Variants in DTWD2 observed in about 807,000 individuals in gnomAD.
DTWD2 encodes tRNA-uridine aminocarboxypropyltransferase 2.
DTWD2 carries 39 observed loss-of-function variants against 31.8 expected under a neutral mutation model. The ratio of observed to expected loss-of-function variants is 1.22; its 90% CI spans 0.95 to 1.60. The LOEUF (loss-of-function observed/expected upper bound fraction) is 1.60, where lower values mean the gene tolerates loss of function less well. DTWD2 is among the 40% of genes most tolerant of loss of function. The pLI, the probability that DTWD2 is intolerant of heterozygous loss-of-function variation, is 0.00. For missense variants in DTWD2, 515 were observed against 381.5 expected, an observed-to-expected ratio of 1.35 and a Z score of -2.92; for synonymous variants, 180 against 142.8, an observed-to-expected ratio of 1.26 and a Z score of -1.86.
At chr5:118,953,815 T>C (rs541538160) in intron 1 of DTWD2, among the ~76,000 whole-genome samples, 195 of 152,228 alleles carry the variant, frequency 1.3e-3, no homozygotes, top group African/African-American at 4.4e-3. Context: ...AAATGCAAAT[T>C]TGTGGCTCCT....
chr5:118,841,136 T>A lies in DTWD2; in HGVS notation c.727-49A>T, dbSNP rs778021491. 7.1e-6 allele frequency: 11 copies of A among 1,549,602 alleles called. No homozygotes were observed. In the South Asian group the frequency reaches 1.2e-4, roughly 17 times the overall value. ...AAAAAGTATCTGTGACAAATCATGA[T>A]ATTCTATCTATATTTTTCATTCAGA... is the stretch of plus-strand genomic sequence containing the variant. On this transcript the variant is annotated intron_variant, in intron 5 of 5. Transcript: ENST00000510708.
At chr5:118,967,555 G>T (rs540532117) in intron 1 of DTWD2, among the ~76,000 whole-genome samples, 32 of 152,268 alleles carry the variant, frequency 2.1e-4, no homozygotes, top group African/African-American at 7.5e-4. Flanking sequence ...CTGTCAAAAG[G>T]TTCCAGGAAC....
intron 4 of DTWD2, among the ~76,000 whole-genome samples, chr5:118,862,305 T>C (rs986853433): frequency 6.6e-6 from 1 of 152,136 alleles, no homozygotes; most frequent in Non-Finnish European, 1.5e-5. Flanking sequence ...GGCTAAGCAA[T>C]AGTGGCATGT....
At chr5:118,945,764 CAAA>C (rs748130109) in intron 1 of DTWD2, among the ~76,000 whole-genome samples, 2 of 57,732 alleles carry the variant, frequency 3.5e-5, no homozygotes, top group African/African-American at 8.6e-5. Context: ...GACTCCAACT[CAAA>C]AAAAAAAAAA....
intron 1 of DTWD2, among the ~76,000 whole-genome samples, chr5:118,949,009 T>G (rs1206607223): frequency 1.3e-5 from 2 of 152,174 alleles, no homozygotes; most frequent in Non-Finnish European, 2.9e-5. Context: ...AGAGAACGTG[T>G]GTTTTTATTA....
chr5:118,956,064 T>C (rs1207804025), intron 1 of DTWD2, among the ~76,000 whole-genome samples: 2 of 152,190 alleles, frequency 1.3e-5, no homozygotes, highest in African/African-American at 4.8e-5. Flanking sequence ...ACCTTGGGCA[T>C]GTCACAGATT....
At chr5:118,962,476 C>G (rs1754728233) in intron 1 of DTWD2, among the ~76,000 whole-genome samples, 2 of 151,972 alleles carry the variant, frequency 1.3e-5, no homozygotes, top group Admixed American at 1.3e-4. Context: ...TTATGGTGAC[C>G]TGCCGCATTA....
In DTWD2 at chr5:118,925,725, G is replaced by C. The variant is rs375748752; in HGVS notation, c.597+2812C>G. Among the ~76,000 whole-genome samples the C allele has an allele frequency of 8.2e-3, 1,238 of 151,026 alleles. 13 individuals carry two copies. Among genetic ancestry groups the C allele is most frequent in the African/African-American group, 0.029 (1,166 of 40,618 alleles). On this transcript the variant is annotated intron_variant, in intron 4 of 5. Transcript: ENST00000510708. ...CCGGGCGCAGTGGCGGGTACCTGTAGTCCCAGCTACTCAGGAGGCTGAGGC... is the reference window on the plus strand; with the variant it reads ...CCGGGCGCAGTGGCGGGTACCTGTACTCCCAGCTACTCAGGAGGCTGAGGC...
chr5:118,938,647 G>A (rs1165964981), intron 3 of DTWD2, among the ~76,000 whole-genome samples: 1 of 151,992 alleles, frequency 6.6e-6, no homozygotes, highest in Non-Finnish European at 1.5e-5. Flanking sequence ...CCAGGAGGTG[G>A]AGGCTGCAGT....
At chr5:118,893,500 T>C (rs568816155) in intron 4 of DTWD2, among the ~76,000 whole-genome samples, 12 of 151,866 alleles carry the variant, frequency 7.9e-5, no homozygotes, top group Non-Finnish European at 1.5e-4. Context: ...AGAGGATATG[T>C]GGAAATAAGA....
intron 4 of DTWD2, among the ~76,000 whole-genome samples, chr5:118,912,757 C>A (rs193108910): frequency 2.1e-3 from 312 of 152,134 alleles, no homozygotes; most frequent in Non-Finnish European, 3.7e-3. Context: ...TTGTCTTTTT[C>A]CCCAGCTTAC....
chr5:118,848,031 T>G, intron 5 of DTWD2, 59 bp downstream of exon 5: 1 of 1,424,254 alleles, frequency 7.0e-7, no homozygotes, highest in Non-Finnish European at 9.2e-7. Flanking sequence ...GTCTAAATCT[T>G]CTAGGTAAAA....
chr5:118,973,302 G>A (rs575261562), intron 1 of DTWD2, among the ~76,000 whole-genome samples: 2 of 152,248 alleles, frequency 1.3e-5, no homozygotes, highest in East Asian at 3.9e-4. Context: ...TCATTATGAT[G>A]TTAGCTGGTT....
intron 4 of DTWD2, among the ~76,000 whole-genome samples, chr5:118,885,803 A>G (rs1267231104): frequency 6.6e-6 from 1 of 151,508 alleles, no homozygotes; most frequent in Non-Finnish European, 1.5e-5. Flanking sequence ...AATAAATATA[A>G]AAAATAAATA....
At chr5:118,855,590 A>G (rs1378716368) in intron 4 of DTWD2, among the ~76,000 whole-genome samples, 1 of 152,150 alleles carries the variant, frequency 6.6e-6, no homozygotes, top group Non-Finnish European at 1.5e-5. Flanking sequence ...AAAGTCTGCA[A>G]TGGGAGTAAA....
intron 4 of DTWD2, among the ~76,000 whole-genome samples, chr5:118,853,071 G>C (rs1752047964): frequency 6.6e-6 from 1 of 152,144 alleles, no homozygotes; most frequent in Admixed American, 6.6e-5. Flanking sequence ...AGAGAGGAGA[G>C]AGGAAGTGGG....
intron 4 of DTWD2, among the ~76,000 whole-genome samples, chr5:118,907,653 C>T (rs1753364311): frequency 6.6e-6 from 1 of 152,006 alleles, no homozygotes; most frequent in Non-Finnish European, 1.5e-5. Flanking sequence ...ATCACTTGAA[C>T]CTGAGAGGCG....
intron 3 of DTWD2, among the ~76,000 whole-genome samples, chr5:118,934,316 A>C (rs1753990478): frequency 6.7e-6 from 1 of 148,984 alleles, no homozygotes; most frequent in African/African-American, 2.5e-5. Context: ...AGAATATCTA[A>C]ATAACTGCTT....
At chr5:118,946,995 G>C (rs1754352527) in intron 1 of DTWD2, among the ~76,000 whole-genome samples, 1 of 152,140 alleles carries the variant, frequency 6.6e-6, no homozygotes, top group African/African-American at 2.4e-5. Context: ...GCCCACCTCA[G>C]CCTCAAAAAG....
Sources: gnomAD v4.1 joint callset for allele counts (sites outside exome capture counted in the v4.1 genomes callset) on GRCh38, gnomAD v4.1.1 for gene constraint, MANE v1.5 for transcripts, NCBI Gene and HGNC (gene_info 2026-07-23, HGNC 2026-07-21) for gene names.